HDAC9: variants seen among roughly 807,000 people sequenced by gnomAD.
The protein encoded by HDAC9 is MEF-2 interacting transcription repressor (MITR) protein.
In HDAC9, 41 loss-of-function variants were observed where a neutral mutation model predicts 139.4. The observed-to-expected ratio is 0.29, with a 90% CI of 0.23 to 0.38. The LOEUF (loss-of-function observed/expected upper bound fraction) is 0.38. Among genes scored for constraint, HDAC9 ranks in the 10% least tolerant of loss-of-function variants. HDAC9 has a pLI of 1.00. For missense variants in HDAC9, 1,147 were observed against 1,297.0 expected (o/e 0.88, Z 1.78); for synonymous variants, 517 against 476.2 (o/e 1.09, Z -1.12).
chr7:18,144,062 A>G (rs1344925351), intron 1 of HDAC9, among the ~76,000 whole-genome samples: 1 of 152,186 alleles, frequency 6.6e-6, no homozygotes, highest in Non-Finnish European at 1.5e-5. Context: ...TTTGATTTTA[A>G]TGACTTTCAG....
At chr7:18,762,400 T>G in intron 15 of HDAC9, 123 bp downstream of exon 15, 4 of 1,066,026 alleles carry the variant, frequency 3.8e-6, no homozygotes, top group Non-Finnish European at 5.4e-6. Context: ...CCAACAGCTT[T>G]GCTCTGTGGA....
chr7:18,319,708 A>T (rs551321971), intron 1 of HDAC9, among the ~76,000 whole-genome samples: 1 of 127,886 alleles, frequency 7.8e-6, no homozygotes, highest in East Asian at 2.4e-4. Context: ...CCTCAAAAAA[A>T]TTTTTAGCCA....
intron 16 of HDAC9, among the ~76,000 whole-genome samples, chr7:18,777,458 A>G (rs1790873585): frequency 6.6e-6 from 1 of 151,950 alleles, no homozygotes; most frequent in Non-Finnish European, 1.5e-5. Flanking sequence ...ATTTGGGGTA[A>G]CTGATTTGTT....
At chr7:18,403,876 G>T (rs1448262523) in intron 1 of HDAC9, among the ~76,000 whole-genome samples, 2 of 152,188 alleles carry the variant, frequency 1.3e-5, no homozygotes, top group Non-Finnish European at 2.9e-5. Context: ...TTAATGGAGA[G>T]ACTTAATCTA....
At chr7:18,267,035 A>T (rs184497222) in intron 2 of HDAC9, among the ~76,000 whole-genome samples, 4 of 152,258 alleles carry the variant, frequency 2.6e-5, no homozygotes, top group African/African-American at 9.6e-5. Flanking sequence ...TGAAAATAAA[A>T]CCATGTTATT....
rs184110702 is a variant in HDAC9, at chr7:18,987,903, C to T, written c.3171-8120C>T. Among the ~76,000 whole-genome samples, 217 of 152,236 alleles carry T rather than the reference C, an allele frequency of 1.4e-3. 1 individual carries two copies. The highest frequency in any genetic ancestry group is 6.0e-3 in the East Asian group (31 of 5,180). On this transcript the variant is annotated intron_variant, in intron 25 of 25. Coordinates refer to ENST00000686413, the MANE Select transcript of HDAC9 (RefSeq NM_178425.4). ...ATGGTAGTTTGTATTTCTGTGGGAT[C>T]GGTGGTGATATCCTCTTTATCATTT...
intron 2 of HDAC9, among the ~76,000 whole-genome samples, chr7:18,511,532 G>C: frequency 6.6e-6 from 1 of 152,030 alleles, no homozygotes; most frequent in Non-Finnish European, 1.5e-5. Context: ...GGAAGTCAAG[G>C]CTTCAGTGAG....
intron 1 of HDAC9, among the ~76,000 whole-genome samples, chr7:18,454,240 GTTC>G (rs960564354): frequency 9.9e-5 from 15 of 152,124 alleles, no homozygotes; most frequent in Middle Eastern, 3.4e-3. Context: ...AAAAATTGAA[GTTC>G]TTCTTGGACA....
At chr7:18,703,579 A>G (rs552132475) in intron 12 of HDAC9, among the ~76,000 whole-genome samples, 4 of 152,278 alleles carry the variant, frequency 2.6e-5, no homozygotes, top group African/African-American at 9.6e-5. Context: ...CATGTTTCCT[A>G]TTCTATCATT....
chr7:18,626,701 G>A (rs1584313820), intron 6 of HDAC9, among the ~76,000 whole-genome samples: 1 of 152,118 alleles, frequency 6.6e-6, no homozygotes, highest in Non-Finnish European at 1.5e-5. Flanking sequence ...GTTGACCATT[G>A]AAAGAAATCT....
chr7:18,536,472 A>G (rs915544177), intron 2 of HDAC9, among the ~76,000 whole-genome samples: 6 of 152,226 alleles, frequency 3.9e-5, no homozygotes, highest in South Asian at 4.1e-4. Context: ...ACATTATTAT[A>G]TGTACAAAAA....
chr7:18,619,293 A>C lies in HDAC9; in HGVS notation c.665-10057A>C, dbSNP rs137960379. Among the ~76,000 whole-genome samples the C allele has an allele frequency of 4.4e-3, 670 of 152,260 alleles. 3 individuals carry two copies. Among genetic ancestry groups the C allele is most frequent in the African/African-American group, 0.015 (640 of 41,546 alleles). On this transcript the variant is annotated intron_variant, in intron 6 of 25. Transcript: ENST00000686413. The stretch of plus-strand genomic sequence containing the variant: ...AAATTAGGGTAGTTGAGGTTCATCT[A>C]GTTCTCTTCTCAACAATATTTGAGA...
Position 18,338,568 on chromosome 7 carries a change from GTTAT to G in HDAC9, c.-42+48059_-42+48062del, listed in dbSNP as rs762248379. On this transcript the variant is annotated intron_variant, in intron 1 of 3. Coordinates refer to the HDAC9 transcript ENST00000413509. ...TCTACTGAAAAGTCATGTAGTTTTT[GTTAT>G]TTATTCTATTAATATGGCATCTTTT... Among the ~76,000 whole-genome samples the G allele has an allele frequency of 2.6e-5, 4 of 151,576 alleles. No homozygotes were observed. In the East Asian group the frequency reaches 7.8e-4, roughly 29 times the overall value.
At chr7:18,238,655 G>A (rs565200001) in intron 2 of HDAC9, among the ~76,000 whole-genome samples, 1 of 152,216 alleles carries the variant, frequency 6.6e-6, no homozygotes, top group Non-Finnish European at 1.5e-5. Context: ...ATAAAATTAG[G>A]CTGATTGAGG....
intron 1 of HDAC9, among the ~76,000 whole-genome samples, chr7:18,318,173 A>G (rs1799787828): frequency 6.6e-6 from 1 of 152,222 alleles, no homozygotes. Flanking sequence ...TTGCAGCTGC[A>G]AGATACGCCA....
intron 1 of HDAC9, among the ~76,000 whole-genome samples, chr7:18,366,175 G>A (rs1431455220): frequency 6.6e-6 from 1 of 152,056 alleles, no homozygotes; most frequent in African/African-American, 2.4e-5. Flanking sequence ...AGATAAGGTG[G>A]AGGGAAACTG....
intron 2 of HDAC9, among the ~76,000 whole-genome samples, chr7:18,268,595 A>G (rs1377848345): frequency 6.6e-6 from 1 of 152,192 alleles, no homozygotes. Context: ...AAAAGAAACT[A>G]TTGGAAAGAT....
intron 13 of HDAC9, among the ~76,000 whole-genome samples, chr7:18,747,045 C>T (rs903825583): frequency 2.6e-5 from 4 of 151,938 alleles, no homozygotes. Flanking sequence ...GAAGAATTTC[C>T]GGCATAGAGG....
At chr7:18,978,849 T>C (rs1484700024) in intron 25 of HDAC9, among the ~76,000 whole-genome samples, 1 of 152,170 alleles carries the variant, frequency 6.6e-6, no homozygotes, top group Non-Finnish European at 1.5e-5. Flanking sequence ...CAAGAAAAGA[T>C]TTGGAAAGGC....
Sources: gnomAD v4.1 joint callset for allele counts (sites outside exome capture counted in the v4.1 genomes callset) on GRCh38, gnomAD v4.1.1 for gene constraint, MANE v1.5 for transcripts, NCBI Gene and HGNC (gene_info 2026-07-23, HGNC 2026-07-21) for gene names.